DGKB: variants seen among roughly 807,000 people sequenced by gnomAD.
DGKB encodes the protein diacylglycerol kinase beta.
In DGKB, 67 loss-of-function variants were observed where a neutral mutation model predicts 114.3. The ratio of observed to expected loss-of-function variants is 0.59; its 90% CI spans 0.48 to 0.72. The LOEUF is 0.72. Among genes scored for constraint, DGKB ranks in the 30% least tolerant of loss-of-function variants. The pLI is 0.00. For missense variants in DGKB, 907 were observed against 975.2 expected (o/e 0.93, Z 0.93); for synonymous variants, 398 against 323.1 (o/e 1.23, Z -2.49).
intron 21 of DGKB, 67 bp from the exon 22 acceptor site, chr7:14,345,458 T>C (rs1214451977): frequency 1.3e-6 from 1 of 762,538 alleles, no homozygotes; most frequent in Non-Finnish European, 2.2e-6. Flanking sequence ...TAAAAAATGG[T>C]CTAACTCTGT....
intron 1 of DGKB, among the ~76,000 whole-genome samples, chr7:14,953,053 A>G (rs73679593): frequency 0.018 from 2,708 of 152,078 alleles, 68 homozygotes; most frequent in African/African-American, 0.06. Flanking sequence ...CAACATAAAA[A>G]TTTTCTAAAA....
chr7:14,913,715 A>G (rs2128244529), intron 1 of DGKB, among the ~76,000 whole-genome samples: 1 of 152,152 alleles, frequency 6.6e-6, no homozygotes, highest in Non-Finnish European at 1.5e-5. Context: ...TTCAAGGATG[A>G]CTTGCTAGAT....
intron 23 of DGKB, among the ~76,000 whole-genome samples, chr7:14,183,835 G>C (rs760444876): frequency 6.6e-6 from 1 of 152,180 alleles, no homozygotes; most frequent in Non-Finnish European, 1.5e-5. Flanking sequence ...GCTCCAGACA[G>C]AGCAGCTCGC....
chr7:14,788,186 C>A (rs1840162528), intron 2 of DGKB, among the ~76,000 whole-genome samples: 2 of 152,196 alleles, frequency 1.3e-5, no homozygotes, highest in Admixed American at 6.5e-5. Context: ...TGGCATTGCC[C>A]TGATACAAAA....
chr7:14,881,766 A>G (rs1384990690), intron 1 of DGKB, among the ~76,000 whole-genome samples: 1 of 152,090 alleles, frequency 6.6e-6, no homozygotes, highest in Non-Finnish European at 1.5e-5. Flanking sequence ...ACTGAGTGAA[A>G]TGCTAATGAT....
intron 1 of DGKB, among the ~76,000 whole-genome samples, chr7:14,872,266 C>A (rs752013839): frequency 2.0e-5 from 3 of 152,114 alleles, no homozygotes; most frequent in Admixed American, 1.3e-4. Flanking sequence ...ACAGGAATAA[C>A]AAACATACGC....
chr7:14,488,298 G>C (rs1177945806), intron 20 of DGKB, among the ~76,000 whole-genome samples: 1 of 152,076 alleles, frequency 6.6e-6, no homozygotes, highest in Admixed American at 6.6e-5. Context: ...TGTAGCATTA[G>C]CAATGCCAGA....
intron 2 of DGKB, among the ~76,000 whole-genome samples, chr7:14,834,708 A>C (rs1181909842): frequency 5.3e-5 from 8 of 152,156 alleles, no homozygotes; most frequent in Non-Finnish European, 1.5e-5. Flanking sequence ...GCCCACTAAG[A>C]CTTCGTACAT....
chr7:14,381,511 T>C (rs1294334151), intron 21 of DGKB, among the ~76,000 whole-genome samples: 2 of 151,986 alleles, frequency 1.3e-5, no homozygotes, highest in Non-Finnish European at 1.5e-5. Flanking sequence ...ATTACAGGAG[T>C]AGAGTGATCT....
intron 2 of DGKB, among the ~76,000 whole-genome samples, chr7:14,834,482 G>C (rs1229098965): frequency 3.3e-5 from 5 of 152,114 alleles, no homozygotes; most frequent in Non-Finnish European, 7.4e-5. Context: ...AGAAATATTA[G>C]CGTATCACTT....
At chr7:14,177,868 T>C (rs533563725) in intron 24 of DGKB, among the ~76,000 whole-genome samples, 163 bp downstream of exon 24, 4 of 152,236 alleles carry the variant, frequency 2.6e-5, no homozygotes, top group Non-Finnish European at 4.4e-5. Context: ...ACCAATATTT[T>C]AGACAATCTG....
In DGKB at chr7:14,682,661, G is replaced by T; in HGVS notation, c.927C>A (p.His309Gln). The T allele has an allele frequency of 6.2e-7, 1 of 1,612,828 alleles. No homozygotes were observed. ...GGCAGTTACCTTCAACCCAGTAATGGTGCATGACCTAGAACAGAATGACAA... is the reference window on the plus strand; with the variant it reads ...GGCAGTTACCTTCAACCCAGTAATGTTGCATGACCTAGAACAGAATGACAA... ...VKSKRNTDVM[H>Q]HYWVEGNCPT... Residue 309 changes from histidine to glutamine, a missense_variant, in exon 12 of 26, where the codon CAC becomes CAA. His to Gln is a conservative substitution (Grantham distance 24, BLOSUM62 0). This residue lies in a region of DGKB where 814 missense variants were observed against 856.6 expected (regional missense o/e 0.95). Coordinates refer to ENST00000402815, the MANE Select transcript of DGKB (RefSeq NM_001350709.2).
At chr7:14,906,691 T>G (rs903956639), upstream of DGKB, among the ~76,000 whole-genome samples, 1 of 152,138 alleles carries the variant, frequency 6.6e-6, no homozygotes, top group African/African-American at 2.4e-5. Flanking sequence ...GACCTCGTGA[T>G]CCACCCACGT....
chr7:14,849,062 CAT>C (rs1429152792), intron 1 of DGKB, among the ~76,000 whole-genome samples: 3 of 152,022 alleles, frequency 2.0e-5, no homozygotes, highest in African/African-American at 7.3e-5. Flanking sequence ...AAGAATCCCA[CAT>C]GTCAGGATCC....
intron 1 of DGKB, among the ~76,000 whole-genome samples, chr7:14,846,920 T>C (rs1848698290): frequency 1.3e-5 from 2 of 152,154 alleles, no homozygotes; most frequent in African/African-American, 4.8e-5. Flanking sequence ...GTGAGTCACA[T>C]TAAGTGTAGA....
chr7:14,559,939 C>G (rs975565572), intron 20 of DGKB, among the ~76,000 whole-genome samples: 1 of 150,526 alleles, frequency 6.6e-6, no homozygotes, highest in South Asian at 2.1e-4. Context: ...CTCCCTTCCT[C>G]TCTTCCTCTC....
intron 13 of DGKB, among the ~76,000 whole-genome samples, chr7:14,662,238 G>C (rs1248002992): frequency 6.6e-6 from 1 of 151,172 alleles, no homozygotes; most frequent in African/African-American, 2.4e-5. Flanking sequence ...AATAAAAAAA[G>C]AGATATGAGA....
At chr7:14,892,074 T>A (rs1781326320) in intron 1 of DGKB, among the ~76,000 whole-genome samples, 1 of 151,370 alleles carries the variant, frequency 6.6e-6, no homozygotes, top group South Asian at 2.1e-4. Context: ...GTATACTAGG[T>A]CTTCTTTGGA....
intron 21 of DGKB, among the ~76,000 whole-genome samples, chr7:14,461,749 A>C (rs1833113042): frequency 6.6e-6 from 1 of 152,200 alleles, no homozygotes; most frequent in Admixed American, 6.5e-5. Flanking sequence ...TCCCTAACTC[A>C]TTTTATGAGG....
Sources: allele counts gnomAD v4.1 joint callset (sites outside exome capture counted in the v4.1 genomes callset), GRCh38; gene constraint gnomAD v4.1.1; regional missense constraint gnomAD v4.1.1; transcripts MANE v1.5; gene names NCBI Gene and HGNC (gene_info 2026-07-23, HGNC 2026-07-21).